Variants in HIRA observed in about 807,000 individuals in gnomAD.
HIRA encodes protein HIRA.
HIRA carries 13 observed loss-of-function variants against 126.6 expected under a neutral mutation model. That is an observed-to-expected ratio of 0.10 (90% CI 0.07 to 0.16). The LOEUF is 0.16. Among genes scored for constraint, HIRA ranks in the 10% least tolerant of loss-of-function variants. The probability of loss-of-function intolerance (pLI) is 1.00; values close to 1 mark genes in which losing one functional copy is unlikely to be tolerated. For synonymous variants in HIRA, 511 were observed against 520.0 expected (o/e 0.98, Z 0.24); for missense variants, 834 against 1,314.4 (o/e 0.63, Z 5.65).
At chr22:19,383,122 A>C (rs1013605371) in intron 13 of HIRA, among the ~76,000 whole-genome samples, 29 of 152,148 alleles carry the variant, frequency 1.9e-4, no homozygotes, top group Middle Eastern at 6.3e-3. Context: ...AAATGGATGA[A>C]TGGGCATGAA....
At chr22:19,398,178 T>C (rs2089238572) in intron 5 of HIRA, 91 bp from the exon 6 acceptor site, 5 of 838,858 alleles carry the variant, frequency 6.0e-6, no homozygotes, top group Non-Finnish European at 9.7e-6. Context: ...CCTGGGACCA[T>C]CATAACCACT....
Position 19,354,009 on chromosome 22 carries a change from C to G in HIRA, c.2671G>C (p.Gly891Arg). ...CAGGTCACGTACTTGGAGGTGCGGC[C>G]CTGGATTATGGCTAACGGTCCTGAG... is the stretch of plus-strand genomic sequence containing the variant. ...LCSGPLAIIQGRTSNSGRQAA... is the reference protein window; with the variant it reads ...LCSGPLAIIQRRTSNSGRQAA... The change falls in exon 22 of 25, where the codon GGC (glycine) becomes CGC (arginine). Residue 891 changes from glycine (G) to arginine (R), a missense_variant. Physicochemically the swap from Gly to Arg is moderately radical, Grantham distance 125. This residue lies in a region of HIRA where 468 missense variants were observed against 574.2 expected (regional missense o/e 0.82). Transcript: ENST00000263208. 3 of 1,613,346 alleles carry G rather than the reference C, an allele frequency of 1.9e-6. No homozygotes were observed. The South Asian group carries it at 3.3e-5, about 18-fold the overall frequency.
At chr22:19,333,767 C>T (rs2088523723) in intron 24 of HIRA, among the ~76,000 whole-genome samples, 1 of 152,098 alleles carries the variant, frequency 6.6e-6, no homozygotes, top group Admixed American at 6.6e-5. Flanking sequence ...ACTCTGTTTG[C>T]TTTTCTTCAT....
chr22:19,353,464 T>G lies in HIRA; in HGVS notation c.2740A>C (p.Thr914Pro). The G allele has an allele frequency of 6.2e-7, 1 of 1,612,814 alleles. No individual in the cohort carries two copies. Among genetic ancestry groups the G allele is most frequent in the Non-Finnish European group, 8.5e-7 (1 of 1,179,876 alleles). The change falls in exon 23 of 25, where the codon ACC becomes CCC. Residue 914 changes from threonine to proline, a missense_variant. Coordinates refer to ENST00000263208, the MANE Select transcript of HIRA (RefSeq NM_003325.4). Reference sequence around the variant, plus strand: ...TGGTTCTCTAGGTAGGCCAGGGTGGTCTCTTGCTGCACCACATGAGGCACG... The same window carrying G: ...TGGTTCTCTAGGTAGGCCAGGGTGGGCTCTTGCTGCACCACATGAGGCACG... ...FSVPHVVQQE[T>P]TLAYLENQVA...
intron 13 of HIRA, 99 bp from the exon 14 acceptor site, chr22:19,378,165 T>C: frequency 1.2e-6 from 1 of 817,480 alleles, no homozygotes; most frequent in South Asian, 3.2e-5. Flanking sequence ...AAAGGCAGTA[T>C]GTTTTCATGA....
chr22:19,351,348 A>C lies in HIRA; in HGVS notation c.2937+10T>G, dbSNP rs1556010807. The C allele has an allele frequency of 2.5e-6, 4 of 1,592,486 alleles. No individual in the cohort carries two copies. In the East Asian group the frequency reaches 6.7e-5, roughly 27 times the overall value. On this transcript the variant is annotated intron_variant, in intron 24 of 24. Transcript: ENST00000263208. The surrounding 1 kb of genome is among the most constrained non-coding windows in gnomAD (Gnocchi z 4.8). ...AGAATTCTTGCAGCAACAATGAAAG[A>C]AGCACCTACCACTACTGTTGACTCC...
At chr22:19,421,212 T>A (rs1242347377) in intron 1 of HIRA, among the ~76,000 whole-genome samples, 2 of 150,670 alleles carry the variant, frequency 1.3e-5, no homozygotes, top group African/African-American at 2.4e-5. Context: ...GGCAGGAGAA[T>A]CGCTTGAACC....
At chr22:19,397,848 CA>C in intron 6 of HIRA, 143 bp downstream of exon 6, 2 of 592,146 alleles carry the variant, frequency 3.4e-6, no homozygotes, top group Middle Eastern at 4.4e-4. Flanking sequence ...ATGTAACTGA[CA>C]AAGAAAAACT....
intron 8 of HIRA, 84 bp from the exon 9 acceptor site, chr22:19,392,298 A>AGAAT (rs2089189384): frequency 4.1e-6 from 3 of 734,026 alleles, no homozygotes; most frequent in Non-Finnish European, 7.0e-6. Context: ...CACTGAAGGG[A>AGAAT]GTCTCCCACA....
At chr22:19,413,595 C>CCATT (rs2089371232) in intron 1 of HIRA, among the ~76,000 whole-genome samples, 1 of 143,668 alleles carries the variant, frequency 7.0e-6, no homozygotes, top group African/African-American at 2.6e-5. Flanking sequence ...GGGAATGAAA[C>CCATT]TATTTATTTA....
intron 18 of HIRA, 52 bp downstream of exon 18, chr22:19,359,284 T>A: frequency 1.4e-6 from 2 of 1,480,044 alleles, no homozygotes; most frequent in Non-Finnish European, 1.8e-6. Flanking sequence ...CCCAGAATGA[T>A]GGCATGTGTG....
At chr22:19,406,581 T>C (rs1334652155) in intron 4 of HIRA, among the ~76,000 whole-genome samples, 1 of 152,160 alleles carries the variant, frequency 6.6e-6, no homozygotes, top group Non-Finnish European at 1.5e-5. Flanking sequence ...AGAAAGAGTG[T>C]GCTGAGATAG....
At chr22:19,338,653 A>G (rs939230476) in intron 24 of HIRA, among the ~76,000 whole-genome samples, 1 of 152,230 alleles carries the variant, frequency 6.6e-6, no homozygotes, top group Non-Finnish European at 1.5e-5. Context: ...ACCAAAAGCG[A>G]GCAGAAATAG....
Position 19,423,009 on chromosome 22 carries a change from G to A in HIRA, c.37+8431C>T, listed in dbSNP as rs2089460413. ...AGCAGGGCTGGCTGCGGCTTTCTCT[G>A]TGCTTACATCATAGCTTGCCTTCTC... is the stretch of plus-strand genomic sequence containing the variant. On this transcript the variant is annotated intron_variant, in intron 1 of 24. Transcript: ENST00000263208. Among the ~76,000 whole-genome samples the A allele has an allele frequency of 2.6e-5, 4 of 152,152 alleles. No homozygotes were observed. In the South Asian group the frequency reaches 6.2e-4, roughly 24 times the overall value.
At chr22:19,413,421 C>T (rs533725529) in intron 1 of HIRA, among the ~76,000 whole-genome samples, 4 of 152,032 alleles carry the variant, frequency 2.6e-5, no homozygotes, top group African/African-American at 9.6e-5. Context: ...TTTGAGAAGG[C>T]GTGCCTGGTT....
intron 2 of HIRA, among the ~76,000 whole-genome samples, chr22:19,409,387 G>A (rs2089333488): frequency 6.6e-6 from 1 of 151,694 alleles, no homozygotes; most frequent in East Asian, 1.9e-4. Flanking sequence ...AGGTTCCAGC[G>A]ATTCTCCTAT....
At position 19,331,420 on chromosome 22, in the gene HIRA, C is replaced by A; in HGVS notation, c.*20G>T. ...GAGTGTGGCCCTGCCCTTGCTGCAGCCAGGGCAGGCTGGGGCAGGCTACTT... is the reference window on the plus strand; with the variant it reads ...GAGTGTGGCCCTGCCCTTGCTGCAGACAGGGCAGGCTGGGGCAGGCTACTT... On this transcript the variant is annotated 3_prime_UTR_variant, in exon 25 of 25. Coordinates refer to ENST00000263208, the MANE Select transcript of HIRA (RefSeq NM_003325.4). The A allele has an allele frequency of 6.2e-7, 1 of 1,613,698 alleles. No homozygotes were observed. The highest frequency in any genetic ancestry group is 8.5e-7 in the Non-Finnish European group (1 of 1,179,974).
At chr22:19,390,781 T>C (rs1349621500) in intron 9 of HIRA, among the ~76,000 whole-genome samples, 1 of 151,952 alleles carries the variant, frequency 6.6e-6, no homozygotes, top group Non-Finnish European at 1.5e-5. Context: ...AGCACTTATC[T>C]GTCTTGGTTG....
At chr22:19,340,625 C>T (rs2088617130) in intron 24 of HIRA, among the ~76,000 whole-genome samples, 4 of 152,114 alleles carry the variant, frequency 2.6e-5, no homozygotes, top group African/African-American at 7.2e-5. Context: ...ACCCTAAAGA[C>T]TCATCCAAAA....
Sources: allele counts gnomAD v4.1 joint callset (sites outside exome capture counted in the v4.1 genomes callset), GRCh38; gene constraint gnomAD v4.1.1; regional missense constraint gnomAD v4.1.1; non-coding constraint Gnocchi (gnomAD v3.1); transcripts MANE v1.5; gene names NCBI Gene and HGNC (gene_info 2026-07-23, HGNC 2026-07-21).